Variants in DYSF observed in about 807,000 individuals in gnomAD.
DYSF encodes dysferlin.
DYSF carries 212 observed loss-of-function variants against 274.9 expected under a neutral mutation model. The ratio of observed to expected loss-of-function variants is 0.77; its 90% CI spans 0.69 to 0.86. DYSF has a LOEUF of 0.86. Among genes scored for constraint, DYSF ranks in the 40% least tolerant of loss-of-function variants. The pLI is 0.00. For missense variants in DYSF, 2,666 were observed against 2,783.2 expected, an observed-to-expected ratio of 0.96 and a Z score of 0.95; for synonymous variants, 1,091 against 1,078.7, an observed-to-expected ratio of 1.01 and a Z score of -0.22.
At position 71,615,922 on chromosome 2, in the gene DYSF, A is replaced by T. The variant is rs995006045; in HGVS notation, c.4464+2512A>T. 1.3e-5 allele frequency among the ~76,000 whole-genome samples: 2 copies of T among 152,034 alleles called. No homozygotes were observed. Among genetic ancestry groups the T allele is most frequent in the South Asian group, 4.2e-4 (2 of 4,818 alleles). On this transcript the variant is annotated intron_variant, in intron 40 of 55. Coordinates refer to ENST00000410020, the MANE Select transcript of DYSF (RefSeq NM_001130987.2). This position sits in a 1 kb window ranked among gnomAD's most constrained non-coding sequence, Gnocchi z 4.9. ...GCCCTGGCTGGTGCTGGATGTGTTC[A>T]CTGTGTCCTGGCTGTGGTCCTAGGA...
chr2:71,572,657 C>T (rs2092560320), intron 29 of DYSF, among the ~76,000 whole-genome samples: 1 of 152,250 alleles, frequency 6.6e-6, no homozygotes, highest in South Asian at 2.1e-4. Flanking sequence ...CACCTGGAGG[C>T]AGGGCTGGGC....
At chr2:71,515,998 C>T (rs986474173) in intron 8 of DYSF, among the ~76,000 whole-genome samples, 182 bp from the exon 9 acceptor site, 1 of 152,192 alleles carries the variant, frequency 6.6e-6, no homozygotes, top group African/African-American at 2.4e-5. Context: ...GAAATGACCA[C>T]GTCTGTGAGG....
At chr2:71,567,823 G>C in intron 24 of DYSF, 128 bp from the exon 25 acceptor site, 1 of 1,396,226 alleles carries the variant, frequency 7.2e-7, no homozygotes, top group East Asian at 2.3e-5. Flanking sequence ...CGCTCCCACA[G>C]GGGACACTCC....
intron 41 of DYSF, among the ~76,000 whole-genome samples, chr2:71,629,190 C>T (rs558423824): frequency 3.9e-5 from 6 of 152,138 alleles, no homozygotes; most frequent in African/African-American, 1.2e-4. Context: ...GAAGATGTAT[C>T]TTCTTGTTCA....
At chr2:71,617,644 TGGTGTGTGTGTGGCAGAGGTGG>T (rs1183014706) in intron 40 of DYSF, among the ~76,000 whole-genome samples, 3 of 90,862 alleles carry the variant, frequency 3.3e-5, no homozygotes, top group East Asian at 3.3e-4. Flanking sequence ...GTGGCAGAGG[TGGTGTGTGTGTGGCAGAGGTGG>T]GGTGTGTGTG....
intron 48 of DYSF, among the ~76,000 whole-genome samples, chr2:71,668,544 A>G (rs2095058619): frequency 6.6e-6 from 1 of 151,818 alleles, no homozygotes; most frequent in South Asian, 2.1e-4. Context: ...CTGACCCTTG[A>G]CCCCCAGGCA....
At chr2:71,617,901 T>G (rs115824901) in intron 40 of DYSF, among the ~76,000 whole-genome samples, 1,107 of 13,972 alleles carry the variant, frequency 0.079, 15 homozygotes, top group East Asian at 0.35. Flanking sequence ...AGAGGTGTGT[T>G]TGTGGTAGAG....
chr2:71,642,169 G>A (rs1384960636), intron 41 of DYSF, among the ~76,000 whole-genome samples: 2 of 152,172 alleles, frequency 1.3e-5, no homozygotes, highest in East Asian at 3.8e-4. Context: ...CTGAGCCTGA[G>A]TTATAAACTC....
intron 1 of DYSF, among the ~76,000 whole-genome samples, chr2:71,455,559 C>G (rs1158176348): frequency 6.6e-6 from 1 of 152,216 alleles, no homozygotes; most frequent in African/African-American, 2.4e-5. Context: ...CAGCTCTGGG[C>G]AGGCCAGGTC....
intron 42 of DYSF, among the ~76,000 whole-genome samples, chr2:71,648,158 A>G (rs1199788733): frequency 6.6e-6 from 1 of 152,258 alleles, no homozygotes; most frequent in Non-Finnish European, 1.5e-5. Flanking sequence ...GTAGAAGAGG[A>G]CATATACCTA....
At chr2:71,684,098 A>T (rs1280099733) in intron 55 of DYSF, among the ~76,000 whole-genome samples, 1 of 152,132 alleles carries the variant, frequency 6.6e-6, no homozygotes, top group Non-Finnish European at 1.5e-5. Context: ...GCAATGGAGA[A>T]ATGTTTCTGA....
intron 49 of DYSF, 130 bp downstream of exon 49, chr2:71,668,972 C>T (rs1030721022): frequency 1.1e-5 from 14 of 1,313,250 alleles, no homozygotes; most frequent in Non-Finnish European, 1.3e-5. Flanking sequence ...ATACAGTTCT[C>T]GTTTGGGCCT....
chr2:71,572,766 G>T (rs1379700104), intron 29 of DYSF, among the ~76,000 whole-genome samples: 1 of 152,192 alleles, frequency 6.6e-6, no homozygotes, highest in Non-Finnish European at 1.5e-5. Flanking sequence ...TAGCATGGGG[G>T]TTCCCTGGAG....
At chr2:71,581,007 G>T (rs1324741249) in intron 30 of DYSF, among the ~76,000 whole-genome samples, 2 of 152,210 alleles carry the variant, frequency 1.3e-5, no homozygotes, top group African/African-American at 4.8e-5. Context: ...CATTGCTAGA[G>T]TGACCATATA....
chr2:71,556,497 C>T lies in DYSF; in HGVS notation c.2216+426C>T, dbSNP rs145756174. ...TTGTTGACTTCAGGAAAAAAGGGCC[C>T]GGGGTGTGGAGGCCCAGCAGAGGGG... On this transcript the variant is annotated intron_variant, in intron 22 of 55. Transcript: ENST00000410020. 3.8e-3 allele frequency among the ~76,000 whole-genome samples: 586 copies of T among 152,256 alleles called. 4 individuals carry two copies. The highest frequency in any genetic ancestry group is 6.5e-3 in the Admixed American group (100 of 15,294).
chr2:71,483,415 G>C (rs780701803), intron 3 of DYSF, among the ~76,000 whole-genome samples: 5 of 152,240 alleles, frequency 3.3e-5, no homozygotes, highest in Non-Finnish European at 5.9e-5. Flanking sequence ...CTTCCTGGAG[G>C]AGGGTCACTC....
chr2:71,477,057 C>A (rs1233611928), intron 1 of DYSF, among the ~76,000 whole-genome samples: 7 of 152,088 alleles, frequency 4.6e-5, no homozygotes, highest in African/African-American at 1.7e-4. Flanking sequence ...CTTCCCAGTA[C>A]TGAAAGTGTT....
At chr2:71,495,558 T>A (rs1481992753) in intron 3 of DYSF, among the ~76,000 whole-genome samples, 1 of 152,182 alleles carries the variant, frequency 6.6e-6, no homozygotes, top group Non-Finnish European at 1.5e-5. Context: ...ACAGGAGCTA[T>A]GTGGCCTGCC....
At chr2:71,672,113 G>A (rs1020059012) in intron 51 of DYSF, among the ~76,000 whole-genome samples, 1 of 150,312 alleles carries the variant, frequency 6.7e-6, no homozygotes. Context: ...AGAAGAGGAG[G>A]CTGAGAAACA....
Sources: gnomAD v4.1 joint callset for allele counts (sites outside exome capture counted in the v4.1 genomes callset) on GRCh38, gnomAD v4.1.1 for gene constraint, Gnocchi (gnomAD v3.1) non-coding constraint, MANE v1.5 for transcripts, NCBI Gene and HGNC (gene_info 2026-07-23, HGNC 2026-07-21) for gene names.